GALK2: variants seen among roughly 807,000 people sequenced by gnomAD.
GALK2 encodes the protein N-acetylgalactosamine kinase.
Under a neutral mutation model 52.4 loss-of-function variants are expected in GALK2, and 36 were observed. The ratio of observed to expected loss-of-function variants is 0.69; its 90% CI spans 0.53 to 0.91. The LOEUF is 0.91. GALK2 is among the 40% of genes least tolerant of loss of function. GALK2 has a pLI of 0.00. For synonymous variants in GALK2, 176 were observed against 199.1 expected, an observed-to-expected ratio of 0.88 and a Z score of 0.98; for missense variants, 579 against 559.1, an observed-to-expected ratio of 1.04 and a Z score of -0.36.
chr15:49,361,636 C>G (rs1166767853), intron 3 of GALK2, among the ~76,000 whole-genome samples: 15 of 151,928 alleles, frequency 9.9e-5, no homozygotes, highest in Admixed American at 9.8e-4. Flanking sequence ...TTTTCTTTAC[C>G]TAGTCCTGTT....
At chr15:49,266,230 T>C (rs1291215281) in intron 5 of GALK2, among the ~76,000 whole-genome samples, 1 of 152,078 alleles carries the variant, frequency 6.6e-6, no homozygotes, top group Non-Finnish European at 1.5e-5. Context: ...CAAGCTCCAA[T>C]GTACAAGTGC....
exon 1 of GALK2, chr15:49,155,940 C>G: frequency 3.7e-6 from 6 of 1,600,376 alleles, no homozygotes; most frequent in Non-Finnish European, 5.1e-6. Flanking sequence ...GCATCTCATT[C>G]CGGTGAAAGT....
Position 49,235,960 on chromosome 15 carries a change from C to G in GALK2, c.357+19C>G. 1 of 1,339,356 alleles carries G rather than the reference C, an allele frequency of 7.5e-7. No individual in the cohort carries two copies. Among genetic ancestry groups the G allele is most frequent in the Non-Finnish European group, 1.1e-6 (1 of 932,196 alleles). 83.0% of individuals were successfully genotyped at this position (1,339,356 alleles called of 1,614,324 possible). Reference sequence around the variant, plus strand: ...AATTCAGGTAAATTGGTTTATAAGGCACTTACTACCAGTTGAGATTATCAT... The same window carrying G: ...AATTCAGGTAAATTGGTTTATAAGGGACTTACTACCAGTTGAGATTATCAT... On this transcript the variant is annotated intron_variant, in intron 4 of 9. Coordinates refer to ENST00000560031, the MANE Select transcript of GALK2 (RefSeq NM_002044.4).
At chr15:49,178,378 C>CATATATATATATATATATGTACATAT (rs10574188) in intron 1 of GALK2, 11 of 151,288 alleles carry the variant, frequency 7.3e-5, no homozygotes, top group African/African-American at 7.7e-5. Flanking sequence ...TATATATGTA[C>CATATATATATATATATATGTACATAT]ATATATATAT....
intron 3 of GALK2, among the ~76,000 whole-genome samples, chr15:49,360,190 GTAAC>G (rs1281681505): frequency 6.6e-6 from 1 of 150,798 alleles, no homozygotes; most frequent in African/African-American, 2.4e-5. Flanking sequence ...GTATACATAT[GTAAC>G]TAACCTGCAC....
chr15:49,233,144 A>G (rs73392268), intron 3 of GALK2, among the ~76,000 whole-genome samples: 91 of 152,324 alleles, frequency 6.0e-4, no homozygotes, highest in African/African-American at 1.9e-3. Flanking sequence ...TTGACTCACA[A>G]TTCTACAGGT....
intron 3 of GALK2, among the ~76,000 whole-genome samples, chr15:49,364,312 G>A (rs746587415): frequency 8.6e-5 from 13 of 151,920 alleles, no homozygotes; most frequent in African/African-American, 2.9e-4. Flanking sequence ...GTCTGTTCAG[G>A]GATTCAGTTT....
intron 5 of GALK2, among the ~76,000 whole-genome samples, chr15:49,258,829 T>TGTGAGAGA (rs1335491479): frequency 5.6e-5 from 7 of 124,122 alleles, no homozygotes; most frequent in African/African-American, 2.2e-4. Flanking sequence ...TGTGTGTGTG[T>TGTGAGAGA]GAGAGAGAGA....
At chr15:49,353,173 T>C (rs772412078) in intron 3 of GALK2, among the ~76,000 whole-genome samples, 7 of 152,184 alleles carry the variant, frequency 4.6e-5, no homozygotes, top group Non-Finnish European at 1.0e-4. Context: ...AACAAAATCA[T>C]AGGGACTTGA....
intron 8 of GALK2, among the ~76,000 whole-genome samples, chr15:49,309,366 A>G (rs2035802331): frequency 6.6e-6 from 1 of 152,192 alleles, no homozygotes; most frequent in Non-Finnish European, 1.5e-5. Context: ...GACTGATATA[A>G]TTACTAAAAA....
At chr15:49,270,770 C>T (rs758834491) in intron 5 of GALK2, among the ~76,000 whole-genome samples, 5 of 152,168 alleles carry the variant, frequency 3.3e-5, no homozygotes, top group Non-Finnish European at 7.3e-5. Flanking sequence ...CTTTCGTTTG[C>T]ATCTATATCT....
intron 2 of GALK2, among the ~76,000 whole-genome samples, chr15:49,204,069 C>G (rs1226503622): frequency 7.6e-6 from 1 of 132,258 alleles, no homozygotes; most frequent in Non-Finnish European, 1.6e-5. Context: ...GAGCCGAGAT[C>G]AAACCACTAC....
chr15:49,286,832 T>C (rs988269043), intron 7 of GALK2, among the ~76,000 whole-genome samples: 2 of 152,168 alleles, frequency 1.3e-5, no homozygotes, highest in Non-Finnish European at 2.9e-5. Context: ...TATCTTGAGG[T>C]TGATGAGTAA....
At chr15:49,305,735 A>G (rs572323265) in intron 8 of GALK2, among the ~76,000 whole-genome samples, 3 of 152,342 alleles carry the variant, frequency 2.0e-5, no homozygotes, top group Admixed American at 6.5e-5. Flanking sequence ...CACAAGGGAA[A>G]GAGTCATATG....
chr15:49,226,367 C>T (rs1052620817), intron 3 of GALK2, among the ~76,000 whole-genome samples: 1 of 152,140 alleles, frequency 6.6e-6, no homozygotes, highest in African/African-American at 2.4e-5. Context: ...ACAAGGTTCC[C>T]AGCTTCTTCT....
chr15:49,333,554 GC>G (rs1387600325), downstream of GALK2, among the ~76,000 whole-genome samples: 2 of 152,204 alleles, frequency 1.3e-5, no homozygotes, highest in African/African-American at 4.8e-5. Context: ...GTGTTGTGAA[GC>G]AGAAAGCTGG....
rs149095986 is a variant in GALK2, at chr15:49,217,313, C to A, written c.266C>A (p.Pro89Gln). The A allele has an allele frequency of 6.8e-6, 11 of 1,613,302 alleles. No homozygotes were observed. Among genetic ancestry groups the A allele is most frequent in the Non-Finnish European group, 8.5e-6 (10 of 1,179,642 alleles). Reference sequence around the variant, plus strand: ...CTGGCCAATACAAATCCCTTGTATCCGTGAGTATTTAAAATTGTTAGTGTG... The same window carrying A: ...CTGGCCAATACAAATCCCTTGTATCAGTGAGTATTTAAAATTGTTAGTGTG... ...LQLANTNPLY[P>Q]DFSTSANNIQ... The change falls in exon 3 of 10, where the codon CCG (proline) becomes CAG (glutamine). Residue 89 changes from proline to glutamine, a missense_variant and splice_region_variant. Pro to Gln is a moderately conservative substitution (Grantham distance 76). Transcript: ENST00000560031.
chr15:49,176,503 A>T (rs1438140578), intron 1 of GALK2, among the ~76,000 whole-genome samples: 8 of 152,226 alleles, frequency 5.3e-5, no homozygotes, highest in African/African-American at 1.7e-4. Flanking sequence ...ACAGAGATTT[A>T]AAAAATTTTA....
chr15:49,246,168 A>G (rs2091340961), intron 5 of GALK2, among the ~76,000 whole-genome samples: 1 of 152,194 alleles, frequency 6.6e-6, no homozygotes, highest in African/African-American at 2.4e-5. Flanking sequence ...ATTTTGTAAG[A>G]ATGGGATTTG....
Sources: allele counts gnomAD v4.1 joint callset (sites outside exome capture counted in the v4.1 genomes callset), GRCh38; gene constraint gnomAD v4.1.1; transcripts MANE v1.5; gene names NCBI Gene and HGNC (gene_info 2026-07-23, HGNC 2026-07-21).